SORCS1: variants seen among roughly 807,000 people sequenced by gnomAD.
SORCS1 encodes VPS10 domain-containing receptor SorCS1.
In SORCS1, 60 loss-of-function variants were observed where a neutral mutation model predicts 146.1. The ratio of observed to expected loss-of-function variants is 0.41; its 90% CI spans 0.33 to 0.51. The LOEUF is 0.51. SORCS1 is among the 20% of genes least tolerant of loss of function. SORCS1 has a pLI of 0.21. For missense variants in SORCS1, 1,352 were observed against 1,487.6 expected (o/e 0.91, Z 1.50); for synonymous variants, 637 against 584.0 (o/e 1.09, Z -1.31).
At chr10:107,101,260 C>T (rs1344831162) in intron 1 of SORCS1, among the ~76,000 whole-genome samples, 1 of 152,094 alleles carries the variant, frequency 6.6e-6, no homozygotes. Context: ...GACCAGGCTG[C>T]TCTTGAACTC....
intron 2 of SORCS1, among the ~76,000 whole-genome samples, chr10:106,857,260 C>G (rs1160173241): frequency 1.3e-5 from 2 of 152,208 alleles, no homozygotes; most frequent in Non-Finnish European, 2.9e-5. Context: ...CTTTAGAAAG[C>G]ATACAGATAT....
intron 1 of SORCS1, among the ~76,000 whole-genome samples, chr10:106,982,446 C>T (rs1444184294): frequency 2.0e-5 from 3 of 152,102 alleles, no homozygotes; most frequent in Middle Eastern, 3.4e-3. Context: ...TATGTTAGTC[C>T]GTGAAATGCA....
chr10:106,815,568 T>G (rs1375917077), intron 3 of SORCS1, among the ~76,000 whole-genome samples: 2 of 152,292 alleles, frequency 1.3e-5, no homozygotes, highest in East Asian at 3.9e-4. Context: ...CACTGGTACC[T>G]GGGTAAGAGA....
At chr10:106,679,369 T>C (rs773052290) in intron 11 of SORCS1, 37 bp from the exon 12 acceptor site, 78 of 1,530,116 alleles carry the variant, frequency 5.1e-5, no homozygotes, top group Non-Finnish European at 6.6e-5. Context: ...AAAAGAACTT[T>C]CTGCAAAAGC....
chr10:106,902,680 T>C (rs558961581), intron 2 of SORCS1, among the ~76,000 whole-genome samples: 63 of 152,388 alleles, frequency 4.1e-4, no homozygotes, highest in African/African-American at 1.5e-3. Context: ...TATGCATGCA[T>C]ACTTTTTATA....
At chr10:106,825,141 C>G (rs1948237295) in intron 3 of SORCS1, among the ~76,000 whole-genome samples, 1 of 151,746 alleles carries the variant, frequency 6.6e-6, no homozygotes, top group East Asian at 1.9e-4. Flanking sequence ...GAAGGGAGAA[C>G]AGCTTGGGTT....
At chr10:106,844,605 A>G (rs1215342218) in intron 2 of SORCS1, among the ~76,000 whole-genome samples, 1 of 150,454 alleles carries the variant, frequency 6.6e-6, no homozygotes, top group Non-Finnish European at 1.5e-5. Flanking sequence ...TTATACTTTA[A>G]GTTTTAGGGT....
intron 1 of SORCS1, among the ~76,000 whole-genome samples, chr10:107,025,310 G>A (rs1958350868): frequency 6.6e-6 from 1 of 152,178 alleles, no homozygotes; most frequent in Non-Finnish European, 1.5e-5. Context: ...CTGAAAGAAG[G>A]AATCAACCCC....
intron 3 of SORCS1, among the ~76,000 whole-genome samples, chr10:106,807,674 C>T (rs1057197977): frequency 4.6e-5 from 7 of 152,216 alleles, no homozygotes; most frequent in African/African-American, 7.2e-5. Context: ...TAATTGCATT[C>T]CACCAGGTAG....
At chr10:107,026,285 C>T (rs1462827484) in intron 1 of SORCS1, among the ~76,000 whole-genome samples, 1 of 151,922 alleles carries the variant, frequency 6.6e-6, no homozygotes, top group African/African-American at 2.4e-5. Context: ...AAAGAGATGC[C>T]CTGATTAAAG....
chr10:107,148,240 C>T (rs1262366082), intron 1 of SORCS1, among the ~76,000 whole-genome samples: 1 of 152,156 alleles, frequency 6.6e-6, no homozygotes, highest in Non-Finnish European at 1.5e-5. Context: ...ACATTCTCTC[C>T]AATCTCCTAA....
chr10:106,928,280 C>A (rs995034022), intron 2 of SORCS1, among the ~76,000 whole-genome samples: 3 of 152,214 alleles, frequency 2.0e-5, no homozygotes, highest in African/African-American at 7.2e-5. Context: ...GGCGAGAAAT[C>A]GAGCGCAGCG....
chr10:106,744,423 A>T (rs895628471), intron 5 of SORCS1, among the ~76,000 whole-genome samples: 2 of 152,064 alleles, frequency 1.3e-5, no homozygotes, highest in East Asian at 1.9e-4. Flanking sequence ...ACTTTTAGAC[A>T]TGATGCTGCA....
At chr10:106,957,165 G>GGTTTTTTTTTTGTTT (rs1554894764) in intron 1 of SORCS1, among the ~76,000 whole-genome samples, 1 of 138,038 alleles carries the variant, frequency 7.2e-6, no homozygotes, top group South Asian at 2.2e-4. Flanking sequence ...GTTTTTTTTT[G>GGTTTTTTTTTTGTTT]TTTTTTTTGT....
chr10:106,958,793 C>T (rs1252312291), intron 1 of SORCS1, among the ~76,000 whole-genome samples: 1 of 152,142 alleles, frequency 6.6e-6, no homozygotes, highest in Non-Finnish European at 1.5e-5. Context: ...CCAATTAAGT[C>T]GCTCTCAGTG....
chr10:106,626,854 C>G (rs1196783556), intron 19 of SORCS1, among the ~76,000 whole-genome samples: 4 of 152,138 alleles, frequency 2.6e-5, no homozygotes, highest in Non-Finnish European at 5.9e-5. Flanking sequence ...TACCAAAAAG[C>G]CAGGCTTAGA....
intron 1 of SORCS1, among the ~76,000 whole-genome samples, chr10:107,148,011 C>G (rs1968477900): frequency 6.6e-6 from 1 of 152,280 alleles, no homozygotes; most frequent in Admixed American, 6.5e-5. Context: ...TAAGTGGACA[C>G]AGACATGGCA....
At position 106,868,812 on chromosome 10, in the gene SORCS1, C is replaced by T. The variant is rs534369625; in HGVS notation, c.627-39139G>A. On this transcript the variant is annotated intron_variant, in intron 2 of 25. Coordinates refer to ENST00000263054, the MANE Select transcript of SORCS1 (RefSeq NM_052918.5). ...AAGCAAGAACAAATCAACCATAAAG[C>T]TAGCAGAAGGCAAGAAATAACCAAA... Among the ~76,000 whole-genome samples, 10 of 152,222 alleles carry T rather than the reference C, an allele frequency of 6.6e-5. No homozygotes were observed. The South Asian group carries it at 1.9e-3, about 28-fold the overall frequency.
chr10:106,695,604 C>T (rs561531165), intron 9 of SORCS1, among the ~76,000 whole-genome samples: 6 of 152,344 alleles, frequency 3.9e-5, no homozygotes, highest in Non-Finnish European at 7.3e-5. Flanking sequence ...CAGTCCCTAC[C>T]TCATAATGTA....
Sources: gnomAD v4.1 joint callset for allele counts (sites outside exome capture counted in the v4.1 genomes callset) on GRCh38, gnomAD v4.1.1 for gene constraint, MANE v1.5 for transcripts, NCBI Gene and HGNC (gene_info 2026-07-23, HGNC 2026-07-21) for gene names.